PLEKHH2: variants seen among roughly 807,000 people sequenced by gnomAD.
The protein encoded by PLEKHH2 is pleckstrin homology domain-containing family H member 2.
Under a neutral mutation model 187.9 loss-of-function variants are expected in PLEKHH2, and 129 were observed. The ratio of observed to expected loss-of-function variants is 0.69; its 90% CI spans 0.59 to 0.79. The LOEUF is 0.79. PLEKHH2 is among the 30% of genes least tolerant of loss of function. The probability of loss-of-function intolerance (pLI) is 0.00; values close to 1 mark genes in which losing one functional copy is unlikely to be tolerated. For missense variants in PLEKHH2, 2,076 were observed against 1,751.2 expected (o/e 1.19, Z -3.31); for synonymous variants, 686 against 605.6 (o/e 1.13, Z -1.95).
At chr2:43,713,654 A>C (rs1206450661) in intron 15 of PLEKHH2, among the ~76,000 whole-genome samples, 1 of 145,492 alleles carries the variant, frequency 6.9e-6, no homozygotes, top group African/African-American at 2.5e-5. Context: ...ATTTTTGCTT[A>C]ATTCTGTTTT....
At chr2:43,684,608 C>A (rs943618895) in intron 3 of PLEKHH2, among the ~76,000 whole-genome samples, 1 of 150,854 alleles carries the variant, frequency 6.6e-6, no homozygotes, top group Non-Finnish European at 1.5e-5. Flanking sequence ...AAAAAAGGAT[C>A]CTTGTTCCCG....
At chr2:43,719,793 G>A (rs1470836703) in intron 15 of PLEKHH2, among the ~76,000 whole-genome samples, 1 of 152,146 alleles carries the variant, frequency 6.6e-6, no homozygotes, top group East Asian at 1.9e-4. Flanking sequence ...CAGGGCTATT[G>A]GAAATCTGTG....
chr2:43,741,292 A>G, intron 21 of PLEKHH2: 2 of 280,998 alleles, frequency 7.1e-6, no homozygotes, highest in Middle Eastern at 1.1e-3. Flanking sequence ...TGAAAAGTGC[A>G]TTTGCATTTC....
intron 21 of PLEKHH2, among the ~76,000 whole-genome samples, chr2:43,742,052 G>A (rs1279785493): frequency 6.6e-6 from 1 of 151,686 alleles, no homozygotes; most frequent in East Asian, 1.9e-4. Flanking sequence ...CTAGGTTGGA[G>A]TGCAGTGGCA....
At chr2:43,688,735 G>A (rs1668647205) in intron 3 of PLEKHH2, among the ~76,000 whole-genome samples, 1 of 152,144 alleles carries the variant, frequency 6.6e-6, no homozygotes, top group South Asian at 2.1e-4. Context: ...AAGGAAAAGG[G>A]CACATAGAGT....
At chr2:43,708,166 G>C (rs1312622147) in intron 11 of PLEKHH2, among the ~76,000 whole-genome samples, 4 of 152,132 alleles carry the variant, frequency 2.6e-5, no homozygotes. Context: ...AGCCTTCCTT[G>C]GTTTCATATT....
chr2:43,674,331 C>A (rs928304022), intron 2 of PLEKHH2, among the ~76,000 whole-genome samples: 5 of 152,102 alleles, frequency 3.3e-5, no homozygotes, highest in African/African-American at 1.2e-4. Flanking sequence ...CCAGAAAAAC[C>A]AAATTTCCCT....
chr2:43,694,003 G>A (rs1470689822), intron 4 of PLEKHH2, among the ~76,000 whole-genome samples: 3 of 152,032 alleles, frequency 2.0e-5, no homozygotes, highest in Non-Finnish European at 4.4e-5. Context: ...TGGTAAATGA[G>A]AGCTAGAATT....
chr2:43,738,614 A>G (rs1428812122), intron 20 of PLEKHH2, 94 bp downstream of exon 20: 2 of 1,262,872 alleles, frequency 1.6e-6, no homozygotes, highest in Non-Finnish European at 2.1e-6. Context: ...CATTTGGAGA[A>G]TACAAAAAGT....
In PLEKHH2 at chr2:43,765,461, C is replaced by G; in HGVS notation, c.4345C>G (p.Gln1449Glu). 1 of 1,614,128 alleles carries G rather than the reference C, an allele frequency of 6.2e-7. No homozygotes were observed. Among genetic ancestry groups the G allele is most frequent in the Non-Finnish European group, 8.5e-7 (1 of 1,179,998 alleles). Reference sequence around the variant, plus strand: ...CGCCAGTTACATAAACAACTTCCATCAGCAAAAGGCAGCATTTCACCACCT... The same window carrying G: ...CGCCAGTTACATAAACAACTTCCATGAGCAAAAGGCAGCATTTCACCACCT... ...LIASYINNFH[Q>E]QKAAFHHLSA... The change falls in exon 30 of 30, where the codon CAG (glutamine) becomes GAG (glutamate). Residue 1449 changes from glutamine to glutamate, a missense_variant. Transcript: ENST00000282406.
intron 2 of PLEKHH2, chr2:43,676,066 A>G (rs1481169448): frequency 6.2e-7 from 1 of 1,613,822 alleles, no homozygotes; most frequent in East Asian, 2.2e-5. Flanking sequence ...CTCTTTCAGT[A>G]CAGCCCAGTA....
intron 23 of PLEKHH2, chr2:43,744,223 T>G (rs1671684749): frequency 1.1e-6 from 1 of 884,592 alleles, no homozygotes; most frequent in African/African-American, 1.7e-5. Context: ...GTGTTAGTAA[T>G]GGAAATGATA....
At chr2:43,762,039 A>T (rs904634461) in intron 27 of PLEKHH2, among the ~76,000 whole-genome samples, 2 of 152,190 alleles carry the variant, frequency 1.3e-5, no homozygotes, top group African/African-American at 4.8e-5. Flanking sequence ...AGATGAGGAA[A>T]TTGAGCCTCA....
Position 43,700,208 on chromosome 2 carries a change from C to G in PLEKHH2, c.1250C>G (p.Pro417Arg). The change falls in exon 8 of 30, where the codon CCA (proline) becomes CGA (arginine). Residue 417 changes from proline (P) to arginine (R), a missense_variant. Transcript: ENST00000282406. ...PSPILTPALM[P>R]KHPNSLSGKG... ...CCTATTTTGACCCCAGCTTTAATGC[C>G]AAAGCATCCTAACTCACTCTCTGGA... 1 of 1,614,100 alleles carries G rather than the reference C, an allele frequency of 6.2e-7. No individual in the cohort carries two copies. Among genetic ancestry groups the G allele is most frequent in the Non-Finnish European group, 8.5e-7 (1 of 1,180,016 alleles).
chr2:43,711,998 A>G, intron 14 of PLEKHH2: 3 of 1,264,362 alleles, frequency 2.4e-6, no homozygotes, highest in Non-Finnish European at 3.0e-6. Context: ...AAAATTAGGT[A>G]AACTGGAGTA....
At chr2:43,741,984 CAT>C (rs778000853) in intron 21 of PLEKHH2, among the ~76,000 whole-genome samples, 6 of 151,972 alleles carry the variant, frequency 3.9e-5, no homozygotes, top group Non-Finnish European at 7.4e-5. Context: ...AGAAAGAAAA[CAT>C]ATTTTTATTT....
intron 2 of PLEKHH2, chr2:43,676,427 T>A (rs1667795205): frequency 2.4e-6 from 2 of 835,498 alleles, no homozygotes; most frequent in Admixed American, 3.1e-5. Flanking sequence ...GTTGGGCCAC[T>A]CTAGCTGCGG....
At chr2:43,732,916 G>A (rs543175467) in intron 19 of PLEKHH2, among the ~76,000 whole-genome samples, 1 of 152,268 alleles carries the variant, frequency 6.6e-6, no homozygotes, top group South Asian at 2.1e-4. Context: ...TAAAAATTCA[G>A]GGTCTTCCTC....
chr2:43,638,583 AT>A (rs1158231126), intron 1 of PLEKHH2, among the ~76,000 whole-genome samples: 1 of 152,180 alleles, frequency 6.6e-6, no homozygotes, highest in Non-Finnish European at 1.5e-5. Context: ...GTGAAGATAG[AT>A]TATTTTCAAA....
Sources: allele counts gnomAD v4.1 joint callset (sites outside exome capture counted in the v4.1 genomes callset), GRCh38; gene constraint gnomAD v4.1.1; transcripts MANE v1.5; gene names NCBI Gene and HGNC (gene_info 2026-07-23, HGNC 2026-07-21).